INPP5B: variants seen among roughly 807,000 people sequenced by gnomAD.
INPP5B encodes the protein inositol polyphosphate-5-phosphatase B.
INPP5B carries 90 observed loss-of-function variants against 118.5 expected under a neutral mutation model. The ratio of observed to expected loss-of-function variants is 0.76; its 90% CI spans 0.64 to 0.90. INPP5B has a LOEUF of 0.90. INPP5B is among the 40% of genes least tolerant of loss of function. The pLI, the probability that INPP5B is intolerant of heterozygous loss-of-function variation, is 0.00. For synonymous variants in INPP5B, 385 were observed against 418.9 expected (o/e 0.92, Z 0.99); for missense variants, 984 against 1,125.6 (o/e 0.87, Z 1.80).
At chr1:37,902,914 T>A (rs193127128) in intron 7 of INPP5B, among the ~76,000 whole-genome samples, 110 of 151,656 alleles carry the variant, frequency 7.3e-4, no homozygotes, top group South Asian at 5.0e-3. Context: ...GCCAGGGAGC[T>A]CGAGGCTGCA....
At chr1:37,883,601 C>A (rs1374777470) in intron 13 of INPP5B, 1 of 985,288 alleles carries the variant, frequency 1.0e-6, no homozygotes, top group African/African-American at 1.7e-5. Context: ...GCAGTACACG[C>A]ACACCAAAAT....
intron 16 of INPP5B, among the ~76,000 whole-genome samples, chr1:37,877,434 T>C (rs1642911716): frequency 6.6e-6 from 1 of 152,174 alleles, no homozygotes; most frequent in Non-Finnish European, 1.5e-5. Flanking sequence ...TATCTGCTTA[T>C]TGGGTTGGCA....
rs1642558744 is a variant in INPP5B at position 37,873,036 on chromosome 1, G to A, written c.2081C>T (p.Ser694Phe). 4 of 1,614,030 alleles carry A rather than the reference G, an allele frequency of 2.5e-6. No individual in the cohort carries two copies. Among genetic ancestry groups the A allele is most frequent in the Non-Finnish European group, 3.4e-6 (4 of 1,180,026 alleles). The change falls in exon 19 of 24, where the codon TCT becomes TTT. Residue 694 changes from serine (S) to phenylalanine (F), a missense_variant. Transcript: ENST00000373024. ...HLDRGKDYFL[S>F]VSGNYLPSCF... ...GCTGGGCAGGTAGTTCCCAGACACA[G>A]ACAAAAAGTAATCCTTTCCCCTGTC... is the stretch of plus-strand genomic sequence containing the variant.
intron 15 of INPP5B, among the ~76,000 whole-genome samples, chr1:37,878,982 G>A (rs1188107095): frequency 6.7e-6 from 1 of 150,158 alleles, no homozygotes; most frequent in Non-Finnish European, 1.5e-5. Context: ...TTAAGGCCAG[G>A]CACGGTGGCT....
At chr1:37,945,098 C>A (rs1646069292) in intron 3 of INPP5B, among the ~76,000 whole-genome samples, 1 of 152,030 alleles carries the variant, frequency 6.6e-6, no homozygotes, top group Non-Finnish European at 1.5e-5. Flanking sequence ...CTACTGCACT[C>A]CAGCCTGGGT....
chr1:37,890,298 C>T (rs28689917), intron 8 of INPP5B, among the ~76,000 whole-genome samples: 2 of 151,670 alleles, frequency 1.3e-5, no homozygotes, highest in Non-Finnish European at 2.9e-5. Flanking sequence ...CCACTTGAAC[C>T]TGGGAGACGG....
chr1:37,931,778 ACCCGCCCCCGTGTG>A lies in INPP5B; in HGVS notation c.532+121_532+134del, dbSNP rs541652858. ...TCCCGCGCGCTCCGCCCCCAGACGA[ACCCGCCCCCGTGTG>A]CCCGCTCCATCAATCGAAAGCCTGT... On this transcript the variant is annotated intron_variant, in intron 7 of 23. Transcript: ENST00000373024. 110 of 1,604,888 alleles carry A rather than the reference ACCCGCCCCCGTGTG, an allele frequency of 6.9e-5. No individual in the cohort carries two copies. The African/African-American group carries it at 1.4e-3, about 21-fold the overall frequency.
chr1:37,933,112 C>G (rs938355077), intron 6 of INPP5B, among the ~76,000 whole-genome samples: 1 of 152,232 alleles, frequency 6.6e-6, no homozygotes, highest in Non-Finnish European at 1.5e-5. Context: ...GACTATGGCA[C>G]TGCCAGACAC....
chr1:37,881,916 G>A (rs1201613429), intron 14 of INPP5B, among the ~76,000 whole-genome samples: 1 of 152,088 alleles, frequency 6.6e-6, no homozygotes, highest in Admixed American at 6.6e-5. Context: ...TGGCCAGCAC[G>A]GTGAAACCCC....
intron 7 of INPP5B, among the ~76,000 whole-genome samples, chr1:37,922,811 A>G (rs1409154158): frequency 6.6e-6 from 1 of 152,276 alleles, no homozygotes; most frequent in Non-Finnish European, 1.5e-5. Flanking sequence ...ACCCTGTGCA[A>G]ATCCAATTTA....
At chr1:37,883,391 T>C (rs568819733) in intron 13 of INPP5B, 1 of 985,442 alleles carries the variant, frequency 1.0e-6, no homozygotes, top group Non-Finnish European at 1.2e-6. Flanking sequence ...TCAAACTTTA[T>C]AGTGGAGCCT....
chr1:37,896,926 T>A, intron 7 of INPP5B, among the ~76,000 whole-genome samples: 1 of 114,398 alleles, frequency 8.7e-6, no homozygotes, highest in Non-Finnish European at 1.8e-5. Flanking sequence ...CAGCCGCCCC[T>A]ACTGGGAAGT....
At chr1:37,917,881 G>C (rs1644927725) in intron 7 of INPP5B, among the ~76,000 whole-genome samples, 1 of 152,128 alleles carries the variant, frequency 6.6e-6, no homozygotes, top group South Asian at 2.1e-4. Context: ...CAGCCATCCT[G>C]GTTGATTATG....
rs749524115 is a variant in INPP5B, at chr1:37,945,868, G to A, written c.58-18C>T. On this transcript the variant is annotated intron_variant, in intron 2 of 23. Transcript: ENST00000373024. ...TGCACCGCCTGCGGCTCAGAGTCAA[G>A]GGAAGACAACCCAGAGGCGAGGCCT... 6.2e-7 allele frequency: 1 copy of A among 1,612,698 alleles called. No homozygotes were observed. The highest frequency in any genetic ancestry group is 1.3e-5 in the African/African-American group (1 of 74,918).
At chr1:37,890,324 G>A (rs1000897445) in intron 8 of INPP5B, among the ~76,000 whole-genome samples, 2 of 151,660 alleles carry the variant, frequency 1.3e-5, no homozygotes, top group Non-Finnish European at 2.9e-5. Context: ...GCAGTGACTG[G>A]GTGACAAAGT....
intron 19 of INPP5B, chr1:37,870,122 A>T (rs903805705): frequency 1.1e-4 from 16 of 151,704 alleles, no homozygotes; most frequent in African/African-American, 3.6e-4. Flanking sequence ...AACTTTCATT[A>T]TTTTAGAATT....
chr1:37,914,335 T>C (rs946798344), intron 7 of INPP5B, among the ~76,000 whole-genome samples: 2 of 152,220 alleles, frequency 1.3e-5, no homozygotes, highest in African/African-American at 4.8e-5. Flanking sequence ...CTTTGAATTC[T>C]TTCTTGCTCA....
intron 8 of INPP5B, among the ~76,000 whole-genome samples, chr1:37,890,367 A>T (rs1643773913): frequency 6.6e-6 from 1 of 152,068 alleles, no homozygotes; most frequent in Non-Finnish European, 1.5e-5. Flanking sequence ...AAAAAGAAAA[A>T]AACTGTAAAA....
At chr1:37,874,251 T>C in intron 17 of INPP5B, 96 bp from the exon 18 acceptor site, 1 of 867,060 alleles carries the variant, frequency 1.2e-6, no homozygotes, top group African/African-American at 1.7e-5. Flanking sequence ...GGAAAGAAAA[T>C]GAACCATCTC....
Sources: gnomAD v4.1 joint callset for allele counts (sites outside exome capture counted in the v4.1 genomes callset) on GRCh38, gnomAD v4.1.1 for gene constraint, MANE v1.5 for transcripts, NCBI Gene and HGNC (gene_info 2026-07-23, HGNC 2026-07-21) for gene names.